Variants in DCLK2 observed in about 807,000 individuals in gnomAD.
DCLK2 encodes the protein serine/threonine-protein kinase DCLK2.
Under a neutral mutation model 78.4 loss-of-function variants are expected in DCLK2, and 31 were observed. The ratio of observed to expected loss-of-function variants is 0.40; its 90% CI spans 0.30 to 0.53. The LOEUF (loss-of-function observed/expected upper bound fraction) is 0.53, where lower values mean the gene tolerates loss of function less well. Among genes scored for constraint, DCLK2 ranks in the 20% least tolerant of loss-of-function variants. DCLK2 has a pLI of 0.61. For missense variants in DCLK2, 872 were observed against 973.7 expected (o/e 0.90, Z 1.39); for synonymous variants, 407 against 374.9 (o/e 1.09, Z -0.99).
intron 2 of DCLK2, among the ~76,000 whole-genome samples, chr4:150,104,642 A>T (rs573182453): frequency 1.2e-4 from 19 of 152,174 alleles, no homozygotes; most frequent in African/African-American, 4.6e-4. Flanking sequence ...TTCTTTATTC[A>T]TGAGATCTAT....
chr4:150,232,529 A>G (rs1367261944), intron 9 of DCLK2, 73 bp downstream of exon 9: 1 of 1,570,922 alleles, frequency 6.4e-7, no homozygotes, highest in African/African-American at 1.4e-5. Context: ...CTAATCAGAA[A>G]AGTGTATTGC....
chr4:150,221,982 T>G (rs1472592238), intron 7 of DCLK2, among the ~76,000 whole-genome samples, 197 bp downstream of exon 7: 1 of 151,662 alleles, frequency 6.6e-6, no homozygotes, highest in Non-Finnish European at 1.5e-5. Context: ...GTTTGTTTAT[T>G]TATTTATTTA....
chr4:150,093,973 C>A (rs1730285966), intron 1 of DCLK2, among the ~76,000 whole-genome samples: 1 of 152,132 alleles, frequency 6.6e-6, no homozygotes. Context: ...AGGACAGATT[C>A]TTCAACAAAT....
rs142785963 is a variant in DCLK2, at chr4:150,159,096, A to G, written c.757-34042A>G. The stretch of plus-strand genomic sequence containing the variant: ...TTTCTTTGAGCAATGAGGAATTAAC[A>G]AAGTGAGCAGGAGTGTGACACTCCA... On this transcript the variant is annotated intron_variant, in intron 2 of 15. Coordinates refer to ENST00000296550, the MANE Select transcript of DCLK2 (RefSeq NM_001040260.4). Among the ~76,000 whole-genome samples the G allele has an allele frequency of 1.5e-3, 223 of 152,330 alleles. 1 individual carries two copies. Among genetic ancestry groups the G allele is most frequent in the Non-Finnish European group, 1.2e-3 (83 of 68,026 alleles).
chr4:150,221,399 A>G (rs1372213775), intron 6 of DCLK2, among the ~76,000 whole-genome samples: 1 of 148,780 alleles, frequency 6.7e-6, no homozygotes, highest in Non-Finnish European at 1.5e-5. Flanking sequence ...GATAAGTTTT[A>G]GTGAAATATC....
At chr4:150,201,532 A>G (rs917703270) in intron 4 of DCLK2, among the ~76,000 whole-genome samples, 1 of 152,224 alleles carries the variant, frequency 6.6e-6, no homozygotes, top group Non-Finnish European at 1.5e-5. Context: ...TTTGGTGAAA[A>G]TACAGACTTG....
chr4:150,158,821 C>A (rs1242890865), intron 2 of DCLK2, among the ~76,000 whole-genome samples: 8 of 151,872 alleles, frequency 5.3e-5, no homozygotes, highest in African/African-American at 1.9e-4. Flanking sequence ...GGTTGGGCCA[C>A]TGCACTCCAG....
At chr4:150,150,987 G>A (rs938395614) in intron 2 of DCLK2, among the ~76,000 whole-genome samples, 2 of 152,224 alleles carry the variant, frequency 1.3e-5, no homozygotes, top group African/African-American at 4.8e-5. Flanking sequence ...ACCTGCTCTT[G>A]CAGGGAAGGC....
chr4:150,236,967 C>G (rs1024859731), intron 10 of DCLK2, among the ~76,000 whole-genome samples: 7 of 152,148 alleles, frequency 4.6e-5, no homozygotes, highest in African/African-American at 1.7e-4. Flanking sequence ...TCAGGGACTT[C>G]TGAGTATCTG....
At chr4:150,178,464 C>T (rs1737244959) in intron 2 of DCLK2, among the ~76,000 whole-genome samples, 1 of 151,544 alleles carries the variant, frequency 6.6e-6, no homozygotes, top group South Asian at 2.1e-4. Flanking sequence ...AGGCATGTAG[C>T]TTATTCAGAG....
chr4:150,155,146 G>A (rs11737128), intron 2 of DCLK2, among the ~76,000 whole-genome samples: 45,495 of 152,092 alleles, frequency 0.3, 6,919 homozygotes, highest in East Asian at 0.34. Context: ...GTAGAAGGAT[G>A]GCTTGAGCCC....
At chr4:150,136,311 C>T (rs1430476070) in intron 2 of DCLK2, among the ~76,000 whole-genome samples, 1 of 152,178 alleles carries the variant, frequency 6.6e-6, no homozygotes, top group African/African-American at 2.4e-5. Context: ...CAGTGGGCTG[C>T]AGTGGCAGAA....
chr4:150,178,627 A>G (rs1737263021), intron 2 of DCLK2, among the ~76,000 whole-genome samples: 1 of 152,238 alleles, frequency 6.6e-6, no homozygotes, highest in South Asian at 2.1e-4. Flanking sequence ...ATGCAGCTAT[A>G]CAAACCAAAA....
chr4:150,255,062 C>T (rs1744461802), intron 15 of DCLK2, among the ~76,000 whole-genome samples: 1 of 152,212 alleles, frequency 6.6e-6, no homozygotes, highest in Non-Finnish European at 1.5e-5. Context: ...GCCCTGAAGG[C>T]CGCCACCCAA....
At chr4:150,220,002 G>A (rs1741057879) in intron 5 of DCLK2, among the ~76,000 whole-genome samples, 1 of 152,168 alleles carries the variant, frequency 6.6e-6, no homozygotes, top group South Asian at 2.1e-4. Flanking sequence ...TGTGGAATGG[G>A]AGAGACTGAG....
At chr4:150,179,627 C>T (rs1228935940) in intron 2 of DCLK2, among the ~76,000 whole-genome samples, 1 of 151,948 alleles carries the variant, frequency 6.6e-6, no homozygotes, top group Non-Finnish European at 1.5e-5. Flanking sequence ...AATCAATTCC[C>T]GAAAAATGCT....
intron 2 of DCLK2, among the ~76,000 whole-genome samples, chr4:150,163,170 G>C (rs1319106219): frequency 6.6e-6 from 1 of 152,140 alleles, no homozygotes; most frequent in Non-Finnish European, 1.5e-5. Context: ...GGCTGAGACA[G>C]GCAGATCTCC....
At chr4:150,151,246 A>G (rs1580603311) in intron 2 of DCLK2, among the ~76,000 whole-genome samples, 1 of 152,304 alleles carries the variant, frequency 6.6e-6, no homozygotes, top group South Asian at 2.1e-4. Context: ...TGCAACTTTT[A>G]TTTCTGGAAA....
chr4:150,175,181 T>TATA (rs1736962945), intron 2 of DCLK2, among the ~76,000 whole-genome samples: 3 of 126,428 alleles, frequency 2.4e-5, no homozygotes, highest in African/African-American at 9.7e-5. Flanking sequence ...TATTTATATA[T>TATA]ATTTATAATT....
Sources: allele counts gnomAD v4.1 joint callset (sites outside exome capture counted in the v4.1 genomes callset), GRCh38; gene constraint gnomAD v4.1.1; transcripts MANE v1.5; gene names NCBI Gene and HGNC (gene_info 2026-07-23, HGNC 2026-07-21).